Variants in ZNF518A observed in about 807,000 individuals in gnomAD.
The protein encoded by ZNF518A is zinc finger protein 518A.
ZNF518A carries 47 observed loss-of-function variants against 102.7 expected under a neutral mutation model. The observed-to-expected ratio is 0.46, with a 90% CI of 0.36 to 0.58. ZNF518A has a LOEUF of 0.58. ZNF518A is among the 20% of genes least tolerant of loss of function. ZNF518A has a pLI of 0.00. For missense variants in ZNF518A, 1,793 were observed against 1,699.8 expected (o/e 1.05, Z -0.96); for synonymous variants, 652 against 594.6 (o/e 1.10, Z -1.40).
rs782353420 is a variant in ZNF518A, at chr10:96,160,244, G to A, written c.3922G>A (p.Val1308Ile). The A allele has an allele frequency of 6.2e-7, 1 of 1,613,294 alleles. No homozygotes were observed. Among genetic ancestry groups the A allele is most frequent in the Non-Finnish European group, 8.5e-7 (1 of 1,179,592 alleles). The part of the protein sequence containing the change: ...KCKEKAKPED[V>I]RETFGFSRPR... ...TAAAGAAAAGGCAAAACCTGAAGAT[G>A]TCCGTGAAACATTTGGATTTAGCAG... Residue 1308 changes from valine to isoleucine, a missense_variant, in exon 6 of 6, where the codon GTC becomes ATC. Physicochemically the swap from Val to Ile is conservative, Grantham distance 29. Transcript: ENST00000316045.
At chr10:96,199,931 T>G (rs781797610) in intron 1 of ZNF518A, 57 of 425,330 alleles carry the variant, frequency 1.3e-4, no homozygotes, top group Non-Finnish European at 1.6e-4. Flanking sequence ...GGCTGAGGCA[T>G]GAGAATCACT....
At chr10:96,142,116 G>C (rs2081957753) in intron 3 of ZNF518A, among the ~76,000 whole-genome samples, 1 of 152,136 alleles carries the variant, frequency 6.6e-6, no homozygotes, top group Non-Finnish European at 1.5e-5. Flanking sequence ...GGTTACATAT[G>C]TAAACTGTAT....
At chr10:96,188,439 T>C (rs1347065646) in intron 1 of ZNF518A, among the ~76,000 whole-genome samples, 1 of 152,042 alleles carries the variant, frequency 6.6e-6, no homozygotes, top group Non-Finnish European at 1.5e-5. Flanking sequence ...CTAGCTGGAG[T>C]AGGACACTTG....
chr10:96,137,599 T>C (rs2081669223), intron 3 of ZNF518A, among the ~76,000 whole-genome samples: 1 of 152,268 alleles, frequency 6.6e-6, no homozygotes, highest in South Asian at 2.1e-4. Flanking sequence ...GCTTTGAGGA[T>C]ACCACATTCT....
intron 1 of ZNF518A, chr10:96,191,841 T>A: frequency 8.0e-7 from 1 of 1,252,062 alleles, no homozygotes; most frequent in Non-Finnish European, 1.2e-6. Context: ...ACCACTTCAA[T>A]AGCTGACTCC....
At chr10:96,176,769 A>G (rs1554891529) in intron 1 of ZNF518A, among the ~76,000 whole-genome samples, 1 of 105,318 alleles carries the variant, frequency 9.5e-6, no homozygotes, top group Non-Finnish European at 1.9e-5. Flanking sequence ...GGTGGCAGAC[A>G]CCTGTCATCC....
chr10:96,169,438 C>A (rs1252674201), intron 1 of ZNF518A, among the ~76,000 whole-genome samples: 1 of 152,232 alleles, frequency 6.6e-6, no homozygotes, highest in East Asian at 1.9e-4. Flanking sequence ...TGCTAGCTTA[C>A]ATCTGCTGTT....
rs1317845011 is a variant in ZNF518A at position 96,139,501 on chromosome 10, G to A, written c.-302+5853G>A. On this transcript the variant is annotated intron_variant, in intron 3 of 5. Coordinates refer to ENST00000316045, the MANE Select transcript of ZNF518A (RefSeq NM_001330736.2). ...TGAGAAGATGGCCACCTGTGAACCA[G>A]GAAGTAGGCCCTCCCCAGACACCAA... 8.5e-5 allele frequency among the ~76,000 whole-genome samples: 13 copies of A among 152,136 alleles called. No homozygotes were observed. The East Asian group carries it at 2.3e-3, about 27-fold the overall frequency.
Position 96,156,776 on chromosome 10 carries a change from T to A in ZNF518A, c.454T>A (p.Cys152Ser). The A allele has an allele frequency of 6.2e-7, 1 of 1,613,946 alleles. No homozygotes were observed. Among genetic ancestry groups the A allele is most frequent in the Non-Finnish European group, 8.5e-7 (1 of 1,179,828 alleles). The change falls in exon 6 of 6, where the codon TGT becomes AGT. Residue 152 changes from cysteine (C) to serine (S), a missense_variant. Around this residue, in one of 3 missense-constraint regions of ZNF518A, gnomAD observed 1,741 missense variants for 1,622.6 expected, o/e 1.07. Transcript: ENST00000316045. ...WHHGELPSYP[C>S]EMCNFSANDF... Reference sequence around the variant, plus strand: ...CCATGGCGAATTACCTTCATATCCTTGTGAAATGTGCAACTTTTCAGCAAA... The same window carrying A: ...CCATGGCGAATTACCTTCATATCCTAGTGAAATGTGCAACTTTTCAGCAAA...
chr10:96,188,725 T>C (rs771845807), intron 1 of ZNF518A, among the ~76,000 whole-genome samples: 3 of 152,200 alleles, frequency 2.0e-5, no homozygotes, highest in Non-Finnish European at 4.4e-5. Flanking sequence ...AACCTTTCCA[T>C]ACAAAATTTC....
At chr10:96,179,419 A>C (rs1554891779) in intron 1 of ZNF518A, among the ~76,000 whole-genome samples, 1 of 152,208 alleles carries the variant, frequency 6.6e-6, no homozygotes, top group Non-Finnish European at 1.5e-5. Flanking sequence ...TAAAGCCACA[A>C]TAAGATACTA....
intron 3 of ZNF518A, among the ~76,000 whole-genome samples, chr10:96,152,631 A>G (rs970700564): frequency 1.3e-5 from 2 of 152,228 alleles, no homozygotes; most frequent in Non-Finnish European, 2.9e-5. Context: ...TCATTGTGTG[A>G]ACATCAGAGT....
At chr10:96,139,195 TGAA>T (rs1279977884) in intron 3 of ZNF518A, among the ~76,000 whole-genome samples, 1 of 151,826 alleles carries the variant, frequency 6.6e-6, no homozygotes, top group Non-Finnish European at 1.5e-5. Flanking sequence ...GAGATGAAGT[TGAA>T]GAAAAAGACC....
At chr10:96,175,126 A>T (rs956466591) in intron 1 of ZNF518A, among the ~76,000 whole-genome samples, 8 of 152,188 alleles carry the variant, frequency 5.3e-5, no homozygotes, top group Non-Finnish European at 8.8e-5. Flanking sequence ...CACTCAGTCT[A>T]TGATATTTTT....
intron 3 of ZNF518A, among the ~76,000 whole-genome samples, chr10:96,146,378 A>G (rs1554878531): frequency 6.6e-6 from 1 of 152,194 alleles, no homozygotes; most frequent in East Asian, 1.9e-4. Context: ...GTTCTTTATA[A>G]AGGTCATGCC....
rs2082806605 is a variant in ZNF518A at position 96,158,301 on chromosome 10, A to G, written c.1979A>G (p.Tyr660Cys). Reference protein sequence around the residue: ...KRRRFSGTAVYENPQRESSSS... With the variant: ...KRRRFSGTAVCENPQRESSSS... ...CGTAGGTTTTCAGGAACAGCAGTGTATGAAAACCCTCAAAGAGAATCTTCA... is the reference window on the plus strand; with the variant it reads ...CGTAGGTTTTCAGGAACAGCAGTGTGTGAAAACCCTCAAAGAGAATCTTCA... The change falls in exon 6 of 6, where the codon TAT becomes TGT. Residue 660 changes from tyrosine (Y) to cysteine (C), a missense_variant. Tyr to Cys is a radical substitution (Grantham distance 194). Around this residue, in one of 3 missense-constraint regions of ZNF518A, gnomAD observed 1,741 missense variants for 1,622.6 expected, o/e 1.07. Transcript: ENST00000316045. The G allele has an allele frequency of 6.2e-7, 1 of 1,613,750 alleles. No individual in the cohort carries two copies. Among genetic ancestry groups the G allele is most frequent in the Non-Finnish European group, 8.5e-7 (1 of 1,179,722 alleles).
At chr10:96,146,326 G>C (rs1248614118) in intron 3 of ZNF518A, among the ~76,000 whole-genome samples, 1 of 152,152 alleles carries the variant, frequency 6.6e-6, no homozygotes, top group East Asian at 1.9e-4. Flanking sequence ...ATCAGAAGTT[G>C]TATGCCTTTT....
chr10:96,162,641 A>G lies in ZNF518A; in HGVS notation c.*1867A>G, dbSNP rs41291610. The G allele has an allele frequency of 5.0e-3, 840 of 166,384 alleles. 7 individuals carry two copies. Among genetic ancestry groups the G allele is most frequent in the Middle Eastern group, 0.014 (4 of 296 alleles). 10.3% of individuals were successfully genotyped at this position (166,384 alleles called of 1,614,324 possible). On this transcript the variant is annotated 3_prime_UTR_variant, in exon 6 of 6. Coordinates refer to ENST00000316045, the MANE Select transcript of ZNF518A (RefSeq NM_001330736.2). Reference sequence around the variant, plus strand: ...ATGGAGTTAATTGGAAATATACAGTATATATTAATAATGTACATGGTGTTT... The same window carrying G: ...ATGGAGTTAATTGGAAATATACAGTGTATATTAATAATGTACATGGTGTTT...
chr10:96,139,181 G>C (rs1257162252), intron 3 of ZNF518A, among the ~76,000 whole-genome samples: 1 of 152,004 alleles, frequency 6.6e-6, no homozygotes, highest in Non-Finnish European at 1.5e-5. Context: ...GGGGAGAGTG[G>C]TGTGAGATGA....
Sources: allele counts gnomAD v4.1 joint callset (sites outside exome capture counted in the v4.1 genomes callset), GRCh38; gene constraint gnomAD v4.1.1; regional missense constraint gnomAD v4.1.1; transcripts MANE v1.5; gene names NCBI Gene and HGNC (gene_info 2026-07-23, HGNC 2026-07-21).